USP33: variants seen among roughly 807,000 people sequenced by gnomAD.
USP33 encodes the protein ubiquitin carboxyl-terminal hydrolase 33.
A neutral mutation model predicts 124.2 loss-of-function variants in USP33; 46 were observed. That is an observed-to-expected ratio of 0.37 (90% CI 0.29 to 0.47). USP33 has a LOEUF of 0.47. Among genes scored for constraint, USP33 ranks in the 20% least tolerant of loss-of-function variants. The pLI is 0.99. For missense variants in USP33, 851 were observed against 1,070.6 expected (o/e 0.79, Z 2.86); for synonymous variants, 350 against 352.3 (o/e 0.99, Z 0.07).
intron 1 of USP33, among the ~76,000 whole-genome samples, chr1:77,755,620 C>A (rs549810457): frequency 6.6e-6 from 1 of 152,196 alleles, no homozygotes; most frequent in African/African-American, 2.4e-5. Flanking sequence ...ACTGCTTGAA[C>A]GCAGGAGGTG....
intron 18 of USP33, among the ~76,000 whole-genome samples, chr1:77,715,221 T>C (rs888016870): frequency 1.3e-5 from 2 of 152,214 alleles, no homozygotes; most frequent in Non-Finnish European, 2.9e-5. Context: ...TTTTCTTTTT[T>C]TTTCAGATGG....
intron 21 of USP33, among the ~76,000 whole-genome samples, chr1:77,711,196 TAA>T (rs879435761): frequency 6.4e-5 from 9 of 140,948 alleles, no homozygotes; most frequent in Admixed American, 7.1e-5. Flanking sequence ...GCCAATACAT[TAA>T]AAAAAAAAAA....
At chr1:77,707,779 T>G (rs537731071) in intron 21 of USP33, among the ~76,000 whole-genome samples, 67 of 152,358 alleles carry the variant, frequency 4.4e-4, no homozygotes, top group African/African-American at 1.6e-3. Flanking sequence ...TACATATTTC[T>G]TCCTTGCTCC....
intron 1 of USP33, among the ~76,000 whole-genome samples, chr1:77,747,759 T>A (rs1344289092): frequency 6.6e-6 from 1 of 152,212 alleles, no homozygotes; most frequent in East Asian, 1.9e-4. Context: ...ACCTTAAGTA[T>A]TTCTATAAGG....
At chr1:77,736,185 T>G in intron 5 of USP33, 27 bp from the exon 6 acceptor site, 1 of 1,489,150 alleles carries the variant, frequency 6.7e-7, no homozygotes, top group Non-Finnish European at 9.2e-7. Flanking sequence ...GATAGCACAC[T>G]TGAACAAATC....
chr1:77,702,169 A>G (rs559061816), intron 21 of USP33, among the ~76,000 whole-genome samples: 1 of 125,052 alleles, frequency 8.0e-6, no homozygotes, highest in African/African-American at 2.6e-5. Context: ...AAAAAAAAAA[A>G]AAAAAAAACC....
intron 4 of USP33, 83 bp downstream of exon 4, chr1:77,740,794 G>T (rs1005767295): frequency 6.3e-6 from 6 of 951,596 alleles, no homozygotes; most frequent in Non-Finnish European, 9.6e-6. Flanking sequence ...ATTACAACTT[G>T]AATTAATAAT....
chr1:77,721,220 G>T lies in USP33; in HGVS notation c.1658-15C>A. Reference sequence around the variant, plus strand: ...CATATTGTCACCTGCAAATAAAACAGATCTGGCATTGGTTTCAAATTAACA... The same window carrying T: ...CATATTGTCACCTGCAAATAAAACATATCTGGCATTGGTTTCAAATTAACA... On this transcript the variant is annotated splice_polypyrimidine_tract_variant and intron_variant, in intron 14 of 23. Coordinates refer to ENST00000370794, the MANE Select transcript of USP33 (RefSeq NM_201624.3). 1 of 1,613,526 alleles carries T rather than the reference G, an allele frequency of 6.2e-7. No homozygotes were observed. Among genetic ancestry groups the T allele is most frequent in the Non-Finnish European group, 8.5e-7 (1 of 1,179,784 alleles).
intron 21 of USP33, among the ~76,000 whole-genome samples, chr1:77,709,546 T>A (rs1316601886): frequency 1.3e-5 from 2 of 150,904 alleles, no homozygotes; most frequent in East Asian, 3.9e-4. Flanking sequence ...TAGATATATA[T>A]AGATACATAT....
chr1:77,747,383 C>G (rs569171663), intron 1 of USP33, among the ~76,000 whole-genome samples: 1 of 151,880 alleles, frequency 6.6e-6, no homozygotes, highest in Non-Finnish European at 1.5e-5. Flanking sequence ...GCCTTCCAAG[C>G]AGCTAGGACT....
At chr1:77,698,230 ATTTTTGCTT>A (rs1388607468) in intron 22 of USP33, among the ~76,000 whole-genome samples, 2 of 145,692 alleles carry the variant, frequency 1.4e-5, no homozygotes, top group Admixed American at 6.8e-5. Context: ...CGCCCGGCTA[ATTTTTGCTT>A]TTTTTTTTTT....
At chr1:77,699,494 G>A (rs1253298804) in intron 22 of USP33, among the ~76,000 whole-genome samples, 1 of 152,208 alleles carries the variant, frequency 6.6e-6, no homozygotes, top group Non-Finnish European at 1.5e-5. Context: ...TCCAGCCTGA[G>A]TGACAAAGTG....
At chr1:77,745,970 A>C (rs1425772591) in intron 1 of USP33, among the ~76,000 whole-genome samples, 1 of 152,204 alleles carries the variant, frequency 6.6e-6, no homozygotes, top group Non-Finnish European at 1.5e-5. Flanking sequence ...CAATGAAAAG[A>C]ACTAGAGAAG....
intron 1 of USP33, among the ~76,000 whole-genome samples, chr1:77,751,631 C>T (rs1040104205): frequency 2.6e-5 from 4 of 152,086 alleles, no homozygotes; most frequent in South Asian, 2.1e-4. Flanking sequence ...ACTGCACTCC[C>T]GCCTGAGTGA....
intron 6 of USP33, among the ~76,000 whole-genome samples, chr1:77,735,026 A>G (rs909844879): frequency 2.6e-5 from 4 of 152,036 alleles, no homozygotes; most frequent in African/African-American, 9.6e-5. Flanking sequence ...GGGAGGCTGA[A>G]GCAGGAGAAT....
In USP33 at chr1:77,728,346, C is replaced by T. The variant is rs1216182074; in HGVS notation, c.1084G>A (p.Asp362Asn). 4 of 1,608,386 alleles carry T rather than the reference C, an allele frequency of 2.5e-6. No individual in the cohort carries two copies. The highest frequency in any genetic ancestry group is 1.7e-5 in the Admixed American group (1 of 58,930). ...KDRDSISETV[D>N]LNNQETVKVQ... ...TTGACAGTTTCCTGGTTGTTTAAGTCGACTGTTTCAGATATAGAGTCTCTA... is the reference window on the plus strand; with the variant it reads ...TTGACAGTTTCCTGGTTGTTTAAGTTGACTGTTTCAGATATAGAGTCTCTA... The change falls in exon 10 of 24, where the codon GAC becomes AAC. Residue 362 changes from aspartate to asparagine, a missense_variant. Physicochemically the swap from Asp to Asn is conservative, Grantham distance 23. This residue lies in a region of USP33 where 207 missense variants were observed against 200.9 expected (regional missense o/e 1.03). Coordinates refer to ENST00000370794, the MANE Select transcript of USP33 (RefSeq NM_201624.3).
rs1457120339 is a variant in USP33 at position 77,713,205 on chromosome 1, A to G, written c.2292T>C (p.Tyr764=). 1 of 1,596,050 alleles carries G rather than the reference A, an allele frequency of 6.3e-7. No individual in the cohort carries two copies. Among genetic ancestry groups the G allele is most frequent in the Admixed American group, 1.8e-5 (1 of 55,238 alleles). Reference sequence around the variant, plus strand: ...GTCTGATTTAAAAAACAAACCTGCTATATAGGTTATCCCAAATGTTCTGAG... The same window carrying G: ...GTCTGATTTAAAAAACAAACCTGCTGTATAGGTTATCCCAAATGTTCTGAG... ...MLPQNIWDNL[Y]SRYGGGPAVN... is the part of the protein sequence containing the mutation. The change falls in exon 20 of 24, where the codon TAT becomes TAC. Residue 764 remains tyrosine (Y), a synonymous_variant. Coordinates refer to ENST00000370794, the MANE Select transcript of USP33 (RefSeq NM_201624.3).
In USP33 at chr1:77,697,237, C is replaced by A; in HGVS notation, c.*80G>T. On this transcript the variant is annotated 3_prime_UTR_variant, in exon 24 of 24. Transcript: ENST00000370794. ...AAAAAAAATAAAGCAAATAAACACGCTTTTAGGAATGTTTTCGCATGTGTA... is the reference window on the plus strand; with the variant it reads ...AAAAAAAATAAAGCAAATAAACACGATTTTAGGAATGTTTTCGCATGTGTA... 7.7e-7 allele frequency: 1 copy of A among 1,297,778 alleles called. No homozygotes were observed. Among genetic ancestry groups the A allele is most frequent in the Non-Finnish European group, 1.0e-6 (1 of 968,508 alleles). 80.4% of individuals were successfully genotyped at this position (1,297,778 alleles called of 1,614,324 possible). A position where few individuals can be genotyped will look rare whatever the true frequency, so the allele number is the denominator to read the frequency against.
intron 4 of USP33, 42 bp downstream of exon 4, chr1:77,740,835 C>CT (rs749548770): frequency 2.9e-5 from 41 of 1,435,540 alleles, no homozygotes; most frequent in South Asian, 1.4e-4. Context: ...CCTTCAGGCA[C>CT]TTTTTTTAAC....
Sources: gnomAD v4.1 joint callset for allele counts (sites outside exome capture counted in the v4.1 genomes callset) on GRCh38, gnomAD v4.1.1 for gene constraint, gnomAD v4.1.1 regional missense constraint, MANE v1.5 for transcripts, NCBI Gene and HGNC (gene_info 2026-07-23, HGNC 2026-07-21) for gene names.